The following CAMTA1 variants were observed in gnomAD, a reference collection of about 807,000 sequenced individuals.
CAMTA1 encodes calmodulin-binding transcription activator 1.
A neutral mutation model predicts 170.9 loss-of-function variants in CAMTA1; 27 were observed. The ratio of observed to expected loss-of-function variants is 0.16; its 90% CI spans 0.12 to 0.22. The LOEUF (loss-of-function observed/expected upper bound fraction) is 0.22, where lower values mean the gene tolerates loss of function less well. Ranked by LOEUF, CAMTA1 falls within the 10% of genes least tolerant of loss-of-function variation. The pLI is 1.00. For missense variants in CAMTA1, 1,619 were observed against 2,217.2 expected, an observed-to-expected ratio of 0.73 and a Z score of 5.42; for synonymous variants, 833 against 891.5, an observed-to-expected ratio of 0.93 and a Z score of 1.17.
At chr1:7,351,089 G>A (rs529450675) in intron 5 of CAMTA1, among the ~76,000 whole-genome samples, 12 of 152,320 alleles carry the variant, frequency 7.9e-5, no homozygotes, top group African/African-American at 2.2e-4. Flanking sequence ...AGACCTCAGC[G>A]TCGTAGGAAA....
intron 5 of CAMTA1, among the ~76,000 whole-genome samples, chr1:7,462,551 G>A (rs565735665): frequency 2.6e-5 from 4 of 152,264 alleles, no homozygotes; most frequent in South Asian, 4.1e-4. Context: ...CACCACACCC[G>A]GCCTAACTAC....
chr1:7,279,857 T>A (rs1557429319), intron 5 of CAMTA1, among the ~76,000 whole-genome samples: 1 of 152,034 alleles, frequency 6.6e-6, no homozygotes, highest in Non-Finnish European at 1.5e-5. Context: ...CTGCTGGTGG[T>A]CCCTCTAGAC....
intron 3 of CAMTA1, among the ~76,000 whole-genome samples, chr1:7,057,002 C>G (rs1707431066): frequency 6.6e-6 from 1 of 152,166 alleles, no homozygotes; most frequent in Non-Finnish European, 1.5e-5. Flanking sequence ...GACCTCTTCT[C>G]CTCCTGTCTG....
At chr1:7,648,707 G>C (rs1271450286) in intron 7 of CAMTA1, among the ~76,000 whole-genome samples, 2 of 152,188 alleles carry the variant, frequency 1.3e-5, no homozygotes, top group Non-Finnish European at 2.9e-5. Flanking sequence ...AATCCACCAA[G>C]GTCCCAGAAA....
intron 5 of CAMTA1, among the ~76,000 whole-genome samples, chr1:7,380,916 T>C (rs1333708150): frequency 6.6e-6 from 1 of 152,078 alleles, no homozygotes; most frequent in African/African-American, 2.4e-5. Flanking sequence ...CAGTGGCTAG[T>C]TGGAATTTAT....
chr1:7,728,092 G>A (rs142295224), intron 11 of CAMTA1, among the ~76,000 whole-genome samples: 1 of 152,354 alleles, frequency 6.6e-6, no homozygotes, highest in Non-Finnish European at 1.5e-5. Flanking sequence ...TTCATGAGGT[G>A]CTTCTCAGAG....
intron 3 of CAMTA1, among the ~76,000 whole-genome samples, chr1:6,876,365 A>AT (rs879507510): frequency 0.017 from 2,450 of 145,400 alleles, 59 homozygotes; most frequent in African/African-American, 0.054. Flanking sequence ...TAATTAATTA[A>AT]TTTTTTTTTT....
At chr1:7,077,342 G>C (rs1009827444) in intron 3 of CAMTA1, among the ~76,000 whole-genome samples, 4 of 148,810 alleles carry the variant, frequency 2.7e-5, no homozygotes, top group Admixed American at 6.9e-5. Context: ...ACTGGACTCT[G>C]CCTTGATTTC....
At chr1:7,400,433 C>T (rs566628987) in intron 5 of CAMTA1, among the ~76,000 whole-genome samples, 3,699 of 152,136 alleles carry the variant, frequency 0.024, 142 homozygotes, top group African/African-American at 0.084. Flanking sequence ...TCACTGAGTT[C>T]CCTTAAGATA....
At chr1:7,176,637 A>G (rs956730009) in intron 4 of CAMTA1, among the ~76,000 whole-genome samples, 3 of 152,242 alleles carry the variant, frequency 2.0e-5, no homozygotes, top group Admixed American at 6.5e-5. Context: ...TGGGATAGAC[A>G]GATGCTGAGG....
At chr1:7,758,905 G>A (rs1376677034) in intron 22 of CAMTA1, among the ~76,000 whole-genome samples, 3 of 143,700 alleles carry the variant, frequency 2.1e-5, no homozygotes, top group African/African-American at 2.6e-5. Flanking sequence ...ACTGCAGTCC[G>A]GCCTGGGCAA....
chr1:6,793,093 C>T (rs1290093360), intron 1 of CAMTA1, among the ~76,000 whole-genome samples: 6 of 151,828 alleles, frequency 4.0e-5, no homozygotes, highest in Admixed American at 1.3e-4. Flanking sequence ...TATATATCTC[C>T]CCTACCTGCA....
rs565137682 is a variant in CAMTA1, at chr1:6,873,552, C to T, written c.234+48342C>T. 7.1e-4 allele frequency among the ~76,000 whole-genome samples: 108 copies of T among 152,314 alleles called. No homozygotes were observed. In the Middle Eastern group the frequency reaches 0.021, roughly 29 times the overall value. ...CTCCCTGCTGTTGGAATCGGCTCCC[C>T]TGGGGCTCCCATCTGCCTTTGAGGT... On this transcript the variant is annotated intron_variant, in intron 3 of 22. Coordinates refer to ENST00000303635, the MANE Select transcript of CAMTA1 (RefSeq NM_015215.4).
rs148752684 is a variant in CAMTA1 at position 6,923,252 on chromosome 1, G to C, written c.234+98042G>C. On this transcript the variant is annotated intron_variant, in intron 3 of 22. Transcript: ENST00000303635. ...CCAGTGATGGCTGCAGTGGTATGTG[G>C]AAGCGAGAGGGGTCCCAGTTTGCAC... Among the ~76,000 whole-genome samples the C allele has an allele frequency of 1.2e-3, 176 of 152,246 alleles. 1 individual carries two copies. Among genetic ancestry groups the C allele is most frequent in the African/African-American group, 3.9e-3 (164 of 41,540 alleles).
intron 5 of CAMTA1, among the ~76,000 whole-genome samples, chr1:7,268,819 C>A (rs1669288269): frequency 6.6e-6 from 1 of 151,956 alleles, no homozygotes; most frequent in Non-Finnish European, 1.5e-5. Flanking sequence ...GAGAAATCAG[C>A]CAGTAGAAAG....
chr1:7,556,826 G>A (rs537374297), intron 6 of CAMTA1, among the ~76,000 whole-genome samples: 2 of 152,132 alleles, frequency 1.3e-5, no homozygotes, highest in African/African-American at 4.8e-5. Context: ...ATCCAAAAGG[G>A]CCACCCCACT....
At position 7,680,286 on chromosome 1, in the gene CAMTA1, C is replaced by T; in HGVS notation, c.2914+2553C>T. The T allele has an allele frequency of 4.9e-6, 1 of 202,292 alleles. No homozygotes were observed. The highest frequency in any genetic ancestry group is 4.8e-5 in the South Asian group (1 of 20,672). 12.5% of individuals were successfully genotyped at this position (202,292 alleles called of 1,614,324 possible). A position where few individuals can be genotyped will look rare whatever the true frequency, so the allele number is the denominator to read the frequency against. ...GTCTCCGCAGCTTCTCGGCTCAGCC[C>T]CTCCCGTCCCCGCGGGCGCTGGGCC... On this transcript the variant is annotated intron_variant, in intron 11 of 22. Coordinates refer to ENST00000303635, the MANE Select transcript of CAMTA1 (RefSeq NM_015215.4). The surrounding 1 kb of genome is among the most constrained non-coding windows in gnomAD (Gnocchi z 4.4).
intron 4 of CAMTA1, among the ~76,000 whole-genome samples, chr1:7,197,629 CA>C (rs2148986640): frequency 4.6e-5 from 1 of 21,806 alleles, no homozygotes; most frequent in Non-Finnish European, 8.8e-5. Context: ...TGTCCCCCAC[CA>C]CACACACACA....
At chr1:7,734,204 C>T (rs12135962) in intron 12 of CAMTA1, among the ~76,000 whole-genome samples, 16,950 of 152,244 alleles carry the variant, frequency 0.11, 998 homozygotes, top group Admixed American at 0.15. Flanking sequence ...GCCTCGGCCT[C>T]CCAAAGTGCT....
Sources: gnomAD v4.1 joint callset for allele counts (sites outside exome capture counted in the v4.1 genomes callset) on GRCh38, gnomAD v4.1.1 for gene constraint, Gnocchi (gnomAD v3.1) non-coding constraint, MANE v1.5 for transcripts, NCBI Gene and HGNC (gene_info 2026-07-23, HGNC 2026-07-21) for gene names.